GRHPR: variants seen among roughly 807,000 people sequenced by gnomAD.
The protein encoded by GRHPR is glyoxylate and hydroxypyruvate reductase.
A neutral mutation model predicts 36.8 loss-of-function variants in GRHPR; 35 were observed. That is an observed-to-expected ratio of 0.95 (90% CI 0.73 to 1.26). The LOEUF is 1.26. Ranked by LOEUF, GRHPR falls within the 50% of genes most tolerant of loss-of-function variation. GRHPR has a pLI of 0.00. For missense variants in GRHPR, 380 were observed against 435.0 expected (o/e 0.87, Z 1.12); for synonymous variants, 179 against 181.0 (o/e 0.99, Z 0.09).
chr9:37,424,877 C>T lies in GRHPR; in HGVS notation c.116C>T (p.Pro39Leu), dbSNP rs1163640738. 1 of 1,613,574 alleles carries T rather than the reference C, an allele frequency of 6.2e-7. No homozygotes were observed. The highest frequency in any genetic ancestry group is 8.5e-7 in the Non-Finnish European group (1 of 1,179,896). The change falls in exon 2 of 9, where the codon CCC becomes CTC. Residue 39 changes from proline to leucine, a missense_variant. Coordinates refer to ENST00000318158, the MANE Select transcript of GRHPR (RefSeq NM_012203.2). ...GTGGAGCAGTGGGACTCGGATGAGCCCATCCCTGCCAAGGAGCTAGAGCGA... is the reference window on the plus strand; with the variant it reads ...GTGGAGCAGTGGGACTCGGATGAGCTCATCCCTGCCAAGGAGCTAGAGCGA... ...CEVEQWDSDE[P>L]IPAKELERGV...
chr9:37,436,356 T>C (rs894003707), intron 8 of GRHPR, among the ~76,000 whole-genome samples: 3 of 152,216 alleles, frequency 2.0e-5, no homozygotes, highest in African/African-American at 7.2e-5. Context: ...GTTATCTGCC[T>C]GCCTTGGCCT....
chr9:37,438,186 T>C (rs1823758510), downstream of GRHPR: 1 of 152,632 alleles, frequency 6.6e-6, no homozygotes, highest in Non-Finnish European at 1.5e-5. Context: ...GATGCCTTGA[T>C]AGAACTCCTT....
intron 8 of GRHPR, chr9:37,434,359 T>TG (rs1228507353): frequency 4.1e-6 from 2 of 484,262 alleles, no homozygotes; most frequent in African/African-American, 3.9e-5. Context: ...GCGGCCCCTG[T>TG]GGGGAACAAT....
At chr9:37,428,382 G>A in intron 4 of GRHPR, 102 bp from the exon 5 acceptor site, 3 of 800,376 alleles carry the variant, frequency 3.7e-6, no homozygotes, top group South Asian at 1.3e-5. Flanking sequence ...GACCTGGAGG[G>A]TGGGTTTATA....
At chr9:37,430,905 G>A (rs941450420) in intron 7 of GRHPR, 1 of 596,490 alleles carries the variant, frequency 1.7e-6, no homozygotes, top group Admixed American at 2.2e-5. Flanking sequence ...ACAGCAGCGT[G>A]GCTTCAGGGA....
intron 4 of GRHPR, among the ~76,000 whole-genome samples, chr9:37,427,470 G>A (rs766174812): frequency 1.3e-5 from 2 of 152,182 alleles, no homozygotes; most frequent in Non-Finnish European, 2.9e-5. Context: ...GCGCCATGCT[G>A]CCTTTCTAAA....
At position 37,428,696 on chromosome 9, in the gene GRHPR, A is replaced by G. The variant is rs763398450; in HGVS notation, c.493+124A>G. The stretch of plus-strand genomic sequence containing the variant: ...TCAGGGCACTTTGCTTGCAGTAGAG[A>G]TATCTCTAATGAGGGATACAGCTTT... On this transcript the variant is annotated intron_variant, in intron 5 of 8. Transcript: ENST00000318158. The G allele has an allele frequency of 3.1e-5, 23 of 742,474 alleles. 1 individual carries two copies. Among genetic ancestry groups the G allele is most frequent in the South Asian group, 2.6e-4 (19 of 72,082 alleles). The allele number at this position is 742,474 out of a possible 1,614,324, so 46.0% of individuals were successfully genotyped here. A position where few individuals can be genotyped will look rare whatever the true frequency, so the allele number is the denominator to read the frequency against.
intron 8 of GRHPR, chr9:37,434,019 A>T: frequency 2.7e-6 from 1 of 375,268 alleles, no homozygotes; most frequent in East Asian, 3.8e-5. Flanking sequence ...CACAGCCAGG[A>T]AAACTGCCCT....
rs1288137814 is a variant in GRHPR, at chr9:37,422,758, C to T, written c.8C>T (p.Pro3Leu). The change falls in exon 1 of 9, where the codon CCG becomes CTG. Residue 3 changes from proline to leucine, a missense_variant. By Grantham distance (98) the Pro-to-Leu change is moderately conservative (BLOSUM62 -3). Coordinates refer to ENST00000318158, the MANE Select transcript of GRHPR (RefSeq NM_012203.2). ...TCGGCGGCTGCACTGCGGATGAGAC[C>T]GGTGCGACTCATGAAGGTGTTCGTC... MR[P>L]VRLMKVFVTR... 1.3e-6 allele frequency: 2 copies of T among 1,586,970 alleles called. No individual in the cohort carries two copies. Among genetic ancestry groups the T allele is most frequent in the African/African-American group, 2.7e-5 (2 of 74,278 alleles).
chr9:37,430,549 GTC>G lies in GRHPR; in HGVS notation c.638_639del (p.Val213GlyfsTer49). The G allele has an allele frequency of 6.2e-7, 1 of 1,613,698 alleles. No homozygotes were observed. Among genetic ancestry groups the G allele is most frequent in the East Asian group, 2.2e-5 (1 of 44,878 alleles). The stretch of plus-strand genomic sequence containing the variant: ...GCTGGCTGCCCAATCTGATTTCATC[GTC>G]GTGGCCTGCTCCTTAACACCTGCAA... ...PELAAQSDFI[V>X]VACSLTPATE... On this transcript the variant is annotated frameshift_variant, in exon 7 of 9. Transcript: ENST00000318158. LOFTEE classifies it high-confidence loss of function.
At chr9:37,432,308 G>A (rs1190150814) in intron 8 of GRHPR, 170 bp downstream of exon 8, 10 of 665,146 alleles carry the variant, frequency 1.5e-5, no homozygotes, top group Admixed American at 1.5e-4. Flanking sequence ...TGTATGACAG[G>A]AGCAGTCCTC....
downstream of GRHPR, chr9:37,437,080 TG>T: frequency 2.6e-6 from 1 of 384,486 alleles, no homozygotes; most frequent in Non-Finnish European, 5.0e-6. Flanking sequence ...CTCAGGAGGC[TG>T]AGCGGGAAGG....
rs1222904149 is a variant in GRHPR, at chr9:37,422,823, C to T, written c.73C>T (p.Arg25Trp). The T allele has an allele frequency of 6.3e-7, 1 of 1,597,340 alleles. No homozygotes were observed. The highest frequency in any genetic ancestry group is 2.3e-5 in the East Asian group (1 of 43,974). ...CGCCGAGGGTAGGGTCGCGCTCGCC[C>T]GGGCGGCAGAGTAAGAGCCTCGCGC... ...IPAEGRVALA[R>W]AADCEVEQWD... The change falls in exon 1 of 9, where the codon CGG (arginine) becomes TGG (tryptophan). Residue 25 changes from arginine (R) to tryptophan (W), a missense_variant. Physicochemically the swap from Arg to Trp is moderately radical, Grantham distance 101 (BLOSUM62 -3). Transcript: ENST00000318158.
intron 8 of GRHPR, among the ~76,000 whole-genome samples, chr9:37,435,473 GTTA>G: frequency 6.7e-6 from 1 of 150,074 alleles, no homozygotes; most frequent in East Asian, 2.0e-4. Flanking sequence ...GCTGTTCATT[GTTA>G]TTCTGAAAGC....
chr9:37,422,792 G>A lies in GRHPR; in HGVS notation c.42G>A (p.Arg14=). 1 of 1,601,334 alleles carries A rather than the reference G, an allele frequency of 6.2e-7. No individual in the cohort carries two copies. Among genetic ancestry groups the A allele is most frequent in the Non-Finnish European group, 8.5e-7 (1 of 1,175,410 alleles). The part of the protein sequence containing the change: ...VRLMKVFVTR[R]IPAEGRVALA... The stretch of plus-strand genomic sequence containing the variant: ...TCATGAAGGTGTTCGTCACCCGCAG[G>A]ATACCCGCCGAGGGTAGGGTCGCGC... Residue 14 remains arginine, a synonymous_variant, in exon 1 of 9, where the codon AGG becomes AGA. Transcript: ENST00000318158.
In GRHPR at chr9:37,432,126, C is replaced by T. The variant is rs1230838365; in HGVS notation, c.853C>T (p.Leu285=). 2.5e-6 allele frequency: 4 copies of T among 1,614,044 alleles called. No individual in the cohort carries two copies. The highest frequency in any genetic ancestry group is 3.4e-6 in the Non-Finnish European group (4 of 1,179,916). Residue 285 remains leucine, a synonymous_variant, in exon 8 of 9, where the codon CTG becomes TTG. Transcript: ENST00000318158. ...GCCTACAAACCACCCTCTCCTGACC[C>T]TGAAGAACTGTGGTAAGAACTGCAC... The part of the protein sequence containing the change: ...PLPTNHPLLT[L]KNCVILPHIG...
chr9:37,439,160 T>C (rs980027916), downstream of GRHPR: 1 of 152,196 alleles, frequency 6.6e-6, no homozygotes, highest in Admixed American at 6.5e-5. Context: ...ACCTGTGCTG[T>C]TCCCCTGGAC....
At chr9:37,438,608 C>T (rs1057304600), downstream of GRHPR, 2 of 152,322 alleles carry the variant, frequency 1.3e-5, no homozygotes, top group Non-Finnish European at 2.9e-5. Flanking sequence ...CTGCACCGCT[C>T]TGCCTGTGTC....
intron 3 of GRHPR, 64 bp downstream of exon 3, chr9:37,426,058 C>A: frequency 8.9e-7 from 1 of 1,129,230 alleles, no homozygotes; most frequent in Non-Finnish European, 1.4e-6. Flanking sequence ...GAAAGAAGAG[C>A]TGTTGATTTG....
Sources: gnomAD v4.1 joint callset for allele counts (sites outside exome capture counted in the v4.1 genomes callset) on GRCh38, gnomAD v4.1.1 for gene constraint, MANE v1.5 for transcripts, NCBI Gene and HGNC (gene_info 2026-07-23, HGNC 2026-07-21) for gene names.